The following ERCC4 variants were observed in gnomAD, a reference collection of about 807,000 sequenced individuals.
ERCC4 encodes the protein ERCC excision repair 4, endonuclease catalytic subunit.
In ERCC4, 65 loss-of-function variants were observed where a neutral mutation model predicts 76.9. The observed-to-expected ratio is 0.84, with a 90% CI of 0.69 to 1.04. The LOEUF (loss-of-function observed/expected upper bound fraction) is 1.04. Ranked by LOEUF, ERCC4 falls within the 50% of genes least tolerant of loss-of-function variation. The pLI is 0.00. For synonymous variants in ERCC4, 463 were observed against 410.1 expected (o/e 1.13, Z -1.56); for missense variants, 1,214 against 1,128.2 (o/e 1.08, Z -1.09).
intron 9 of ERCC4, among the ~76,000 whole-genome samples, chr16:13,938,835 A>G (rs768616741): frequency 6.6e-6 from 1 of 152,228 alleles, no homozygotes; most frequent in Non-Finnish European, 1.5e-5. Flanking sequence ...TGCAAAATAT[A>G]CATATAACCT....
chr16:13,941,537 C>CAGTTGTGG (rs2032413311), intron 9 of ERCC4, among the ~76,000 whole-genome samples: 1 of 152,132 alleles, frequency 6.6e-6, no homozygotes, highest in African/African-American at 2.4e-5. Flanking sequence ...AGAACAAAAG[C>CAGTTGTGG]AGTTGTGGCT....
chr16:13,927,224 C>T (rs2032088453), intron 3 of ERCC4, among the ~76,000 whole-genome samples: 1 of 152,168 alleles, frequency 6.6e-6, no homozygotes, highest in African/African-American at 2.4e-5. Flanking sequence ...TTTTTGCAAC[C>T]TATGCTACCA....
chr16:13,926,832 G>A (rs1443561185), intron 3 of ERCC4, 76 bp downstream of exon 3: 1 of 1,136,734 alleles, frequency 8.8e-7, no homozygotes, highest in East Asian at 2.3e-5. Context: ...TAACTTAGTT[G>A]CACTTTGATG....
At chr16:13,930,542 G>C (rs2032152464) in intron 4 of ERCC4, 168 bp from the exon 5 acceptor site, 1 of 598,462 alleles carries the variant, frequency 1.7e-6, no homozygotes, top group East Asian at 2.8e-5. Context: ...CCACTTCCTT[G>C]AATAATGCTT....
Position 13,920,503 on chromosome 16 carries a change from C to G in ERCC4, c.207+131C>G, listed in dbSNP as rs2031951287. ...AGGCCCCTGACACTACGCGATGACACAGAGAAGGATGGCAGGGGTCCCCAG... is the reference window on the plus strand; with the variant it reads ...AGGCCCCTGACACTACGCGATGACAGAGAGAAGGATGGCAGGGGTCCCCAG... On this transcript the variant is annotated intron_variant, in intron 1 of 10. Coordinates refer to ENST00000311895, the MANE Select transcript of ERCC4 (RefSeq NM_005236.3). The G allele has an allele frequency of 9.2e-6, 8 of 865,898 alleles. No homozygotes were observed. In the Admixed American group the frequency reaches 1.6e-4, roughly 18 times the overall value. 53.6% of individuals were successfully genotyped at this position (865,898 alleles called of 1,614,324 possible). A position where few individuals can be genotyped will look rare whatever the true frequency, so the allele number is the denominator to read the frequency against.
In ERCC4 at chr16:13,920,339, G is replaced by C. The variant is rs768694415; in HGVS notation, c.174G>C (p.Leu58=). 4 of 1,595,858 alleles carry C rather than the reference G, an allele frequency of 2.5e-6. No individual in the cohort carries two copies. In the South Asian group the frequency reaches 4.4e-5, roughly 18 times the overall value. Residue 58 remains leucine (L), a synonymous_variant, in exon 1 of 11, where the codon CTG becomes CTC. Coordinates refer to ENST00000311895, the MANE Select transcript of ERCC4 (RefSeq NM_005236.3). ...FLQLHCHPAC[L]VLVLNTQPAE... ...AGCTGCACTGCCACCCAGCCTGCCT[G>C]GTGCTGGTGCTCAACACGCAGCCGG...
Position 13,926,714 on chromosome 16 carries a change from T to TCAA in ERCC4, c.542_543insCAA (p.Val181_Met182insLys). On this transcript the variant is annotated inframe_insertion, in exon 3 of 11. Coordinates refer to ENST00000311895, the MANE Select transcript of ERCC4 (RefSeq NM_005236.3). Reference sequence around the variant, plus strand: ...ACTGGTTTTTGTCATGTGGAAAGAGTGATGAGAAATCTTTTTGTGAGGAAA... The same window carrying TCAA: ...ACTGGTTTTTGTCATGTGGAAAGAGTCAAGATGAGAAATCTTTTTGTGAGGAAA... 4.3e-6 allele frequency: 7 copies of TCAA among 1,614,018 alleles called. No individual in the cohort carries two copies. Among genetic ancestry groups the TCAA allele is most frequent in the Non-Finnish European group, 5.9e-6 (7 of 1,179,952 alleles).
chr16:13,942,133 G>A (rs180720451), intron 9 of ERCC4, among the ~76,000 whole-genome samples: 2 of 152,318 alleles, frequency 1.3e-5, no homozygotes, highest in East Asian at 3.9e-4. Context: ...AAAGCTTGGT[G>A]CTTTAAGCAG....
At chr16:13,929,672 TA>T (rs2032135939) in intron 4 of ERCC4, among the ~76,000 whole-genome samples, 2 of 152,170 alleles carry the variant, frequency 1.3e-5, no homozygotes, top group Non-Finnish European at 2.9e-5. Flanking sequence ...TTTGGAATCT[TA>T]AAAAATAATT....
chr16:13,950,824 C>A lies in ERCC4; in HGVS notation c.*2477C>A, dbSNP rs1256494272. The A allele has an allele frequency of 2.4e-4, 46 of 193,106 alleles. No homozygotes were observed. Among genetic ancestry groups the A allele is most frequent in the Admixed American group, 1.5e-3 (24 of 16,308 alleles). 12.0% of individuals were successfully genotyped at this position (193,106 alleles called of 1,614,324 possible). ...GGGGTTTCATTCCAAGTTGAGTTTT[C>A]AAAAAAAAGGTCTTCCTAAAGCTAC... is the stretch of plus-strand genomic sequence containing the variant. On this transcript the variant is annotated 3_prime_UTR_variant, in exon 11 of 11. Transcript: ENST00000311895.
chr16:13,949,042 C>G lies in ERCC4; in HGVS notation c.*695C>G. The G allele has an allele frequency of 8.6e-6, 2 of 233,026 alleles. No homozygotes were observed. The highest frequency in any genetic ancestry group is 1.1e-4 in the Admixed American group (2 of 17,794). The allele number at this position is 233,026 out of a possible 1,614,324, so 14.4% of individuals were successfully genotyped here. A position where few individuals can be genotyped will look rare whatever the true frequency, so the allele number is the denominator to read the frequency against. On this transcript the variant is annotated 3_prime_UTR_variant, in exon 11 of 11. Transcript: ENST00000311895. ...TCATGGAGCCTTCCTACTACTAATT[C>G]AAGACAGTCTCCTCAAAAACTGGTT...
At position 13,935,489 on chromosome 16, in the gene ERCC4, C is replaced by T. The variant is rs1356346061; in HGVS notation, c.1557C>T (p.Ser519=). Residue 519 remains serine, a synonymous_variant, in exon 8 of 11, where the codon AGC becomes AGT. Transcript: ENST00000311895. ...DVEEGYRREI[S]SSPESCPEEI... ...AGGAAGGATATCGTCGAGAAATAAG[C>T]AGTAGCCCAGAAAGCTGCCCGGAAG... 6.2e-7 allele frequency: 1 copy of T among 1,614,112 alleles called. No individual in the cohort carries two copies. Among genetic ancestry groups the T allele is most frequent in the Non-Finnish European group, 8.5e-7 (1 of 1,180,002 alleles).
Position 13,934,298 on chromosome 16 carries a change from TCC to T in ERCC4, c.1210_1211del (p.Pro404ArgfsTer9). On this transcript the variant is annotated frameshift_variant and splice_region_variant, in exon 7 of 11. Coordinates refer to ENST00000311895, the MANE Select transcript of ERCC4 (RefSeq NM_005236.3). LOFTEE classifies it high-confidence loss of function. ...ENKESEALGG[P>X]GQVLICASDD... is the part of the protein sequence containing the mutation. ...ATAAGGAGAGTGAAGCTCTTGGTGG[TCC>T]AGGTAGGAAAAAAGGAGATGAAAAC... 6.2e-7 allele frequency: 1 copy of T among 1,601,950 alleles called. No individual in the cohort carries two copies. The highest frequency in any genetic ancestry group is 8.6e-7 in the Non-Finnish European group (1 of 1,169,292).
chr16:13,934,444 T>G, intron 7 of ERCC4, 142 bp downstream of exon 7: 1 of 692,992 alleles, frequency 1.4e-6, no homozygotes, highest in Non-Finnish European at 2.6e-6. Context: ...TGCTATTTTA[T>G]CTATAAAATG....
At position 13,929,446 on chromosome 16, in the gene ERCC4, A is replaced by G. The variant is rs546027716; in HGVS notation, c.792+1211A>G. Among the ~76,000 whole-genome samples the G allele has an allele frequency of 6.6e-5, 10 of 152,328 alleles. No individual in the cohort carries two copies. In the East Asian group the frequency reaches 1.9e-3, roughly 29 times the overall value. On this transcript the variant is annotated intron_variant, in intron 4 of 10. Coordinates refer to ENST00000311895, the MANE Select transcript of ERCC4 (RefSeq NM_005236.3). ...GACAATAAACTATACAGTCATCCAG[A>G]TACTTCTCCTGCTCATTATTAAATT...
At position 13,920,650 on chromosome 16, in the gene ERCC4, C is replaced by T. The variant is rs1596616950; in HGVS notation, c.207+278C>T. 3.9e-5 allele frequency among the ~76,000 whole-genome samples: 6 copies of T among 152,234 alleles called. No individual in the cohort carries two copies. The South Asian group carries it at 1.2e-3, about 32-fold the overall frequency. On this transcript the variant is annotated intron_variant, in intron 1 of 10. Transcript: ENST00000311895. ...AATTGGAGGGGCCCCGAGAAGGCTG[C>T]AGGTCCCTGGCAGGAGTTGAAGAAC...
At chr16:13,929,340 G>C (rs980294657) in intron 4 of ERCC4, among the ~76,000 whole-genome samples, 6 of 152,114 alleles carry the variant, frequency 3.9e-5, no homozygotes, top group Non-Finnish European at 7.4e-5. Context: ...AGTTTGTTCA[G>C]GATAGTCCCA....
At chr16:13,927,979 A>G (rs747350732) in intron 3 of ERCC4, 49 bp from the exon 4 acceptor site, 6 of 1,386,968 alleles carry the variant, frequency 4.3e-6, no homozygotes, top group African/African-American at 1.4e-5. Context: ...CCAGAAATAC[A>G]TAGCTGCTGA....
At chr16:13,941,632 A>G (rs2032414915) in intron 9 of ERCC4, among the ~76,000 whole-genome samples, 1 of 152,210 alleles carries the variant, frequency 6.6e-6, no homozygotes, top group Admixed American at 6.5e-5. Context: ...TATAGATAAC[A>G]GATAAAGTGG....
Sources: allele counts gnomAD v4.1 joint callset (sites outside exome capture counted in the v4.1 genomes callset), GRCh38; gene constraint gnomAD v4.1.1; transcripts MANE v1.5; gene names NCBI Gene and HGNC (gene_info 2026-07-23, HGNC 2026-07-21).